GUCY1A2: variants seen among roughly 807,000 people sequenced by gnomAD.
GUCY1A2 encodes the protein guanylate cyclase 1 soluble subunit alpha 2, also known as guanylate cyclase soluble subunit alpha-2.
A neutral mutation model predicts 63.5 loss-of-function variants in GUCY1A2; 27 were observed. The observed-to-expected ratio is 0.43, with a 90% CI of 0.31 to 0.59. The LOEUF (loss-of-function observed/expected upper bound fraction) is 0.59, where lower values mean the gene tolerates loss of function less well. GUCY1A2 is among the 20% of genes least tolerant of loss of function. The pLI, the probability that GUCY1A2 is intolerant of heterozygous loss-of-function variation, is 0.11. For synonymous variants in GUCY1A2, 364 were observed against 343.5 expected (o/e 1.06, Z -0.66); for missense variants, 768 against 913.3 (o/e 0.84, Z 2.05).
rs555795362 is a variant in GUCY1A2 at position 106,684,955 on chromosome 11, T to C, written c.*2594A>G. 3.0e-5 allele frequency: 6 copies of C among 202,704 alleles called. No individual in the cohort carries two copies. In the East Asian group the frequency reaches 3.8e-4, roughly 13 times the overall value. 12.6% of individuals were successfully genotyped at this position (202,704 alleles called of 1,614,324 possible). A position where few individuals can be genotyped will look rare whatever the true frequency, so the allele number is the denominator to read the frequency against. ...GTAGGACAAATAAAAATATAATTTT[T>C]TCTCCATCTTCTAACTTCTGTGATT... On this transcript the variant is annotated 3_prime_UTR_variant, in exon 8 of 8. Transcript: ENST00000526355.
intron 6 of GUCY1A2, among the ~76,000 whole-genome samples, chr11:106,764,668 AAGAG>A (rs967117607): frequency 6.0e-4 from 91 of 152,192 alleles, no homozygotes; most frequent in African/African-American, 2.1e-3. Flanking sequence ...GAGGACATGT[AAGAG>A]AGAGAGTGCT....
intron 4 of GUCY1A2, among the ~76,000 whole-genome samples, chr11:106,883,324 G>C (rs1859852361): frequency 6.6e-6 from 1 of 152,072 alleles, no homozygotes; most frequent in African/African-American, 2.4e-5. Flanking sequence ...TTATCTATGT[G>C]TGTATACCTT....
intron 4 of GUCY1A2, among the ~76,000 whole-genome samples, chr11:106,821,994 CA>C (rs1858909975): frequency 6.6e-6 from 1 of 152,102 alleles, no homozygotes; most frequent in Non-Finnish European, 1.5e-5. Context: ...GGCTGACTTG[CA>C]TTAAATATTT....
rs181213783 is a variant in GUCY1A2 at position 106,805,173 on chromosome 11, C to T, written c.1692+4820G>A. ...GTTTAATGCCATGGACATTTGCAAACCACACTTAGAGGCTGTGATGGGAAT... is the reference window on the plus strand; with the variant it reads ...GTTTAATGCCATGGACATTTGCAAATCACACTTAGAGGCTGTGATGGGAAT... On this transcript the variant is annotated intron_variant, in intron 5 of 7. Coordinates refer to ENST00000526355, the MANE Select transcript of GUCY1A2 (RefSeq NM_000855.3). 4.0e-3 allele frequency among the ~76,000 whole-genome samples: 603 copies of T among 152,246 alleles called. 1 individual carries two copies. The highest frequency in any genetic ancestry group is 0.014 in the African/African-American group (573 of 41,542).
rs149645245 is a variant in GUCY1A2, at chr11:106,837,793, T to C, written c.1207-27315A>G. 4.6e-3 allele frequency among the ~76,000 whole-genome samples: 705 copies of C among 152,108 alleles called. 2 individuals carry two copies. Among genetic ancestry groups the C allele is most frequent in the Admixed American group, 0.01 (158 of 15,234 alleles). ...ATAAAAATTTATAGTCACCACTGTATTGCAACTGTTCCCTTCCTGCAAACA... is the reference window on the plus strand; with the variant it reads ...ATAAAAATTTATAGTCACCACTGTACTGCAACTGTTCCCTTCCTGCAAACA... On this transcript the variant is annotated intron_variant, in intron 4 of 7. Transcript: ENST00000526355.
At chr11:106,877,281 C>T (rs1565317728) in intron 4 of GUCY1A2, among the ~76,000 whole-genome samples, 1 of 152,028 alleles carries the variant, frequency 6.6e-6, no homozygotes, top group Admixed American at 6.6e-5. Context: ...GATAGTTTCA[C>T]TTCCCCTCTT....
intron 6 of GUCY1A2, among the ~76,000 whole-genome samples, chr11:106,746,876 G>A (rs1591259684): frequency 6.6e-6 from 1 of 152,152 alleles, no homozygotes; most frequent in East Asian, 1.9e-4. Flanking sequence ...CGTAGAAAAA[G>A]GAGTGTAAAG....
intron 4 of GUCY1A2, among the ~76,000 whole-genome samples, chr11:106,896,120 C>T (rs1860045757): frequency 6.6e-6 from 1 of 151,224 alleles, no homozygotes; most frequent in South Asian, 2.1e-4. Context: ...AAGTATACAC[C>T]ACAACCAAGT....
At chr11:106,791,977 T>G (rs1864669701) in intron 5 of GUCY1A2, among the ~76,000 whole-genome samples, 1 of 151,960 alleles carries the variant, frequency 6.6e-6, no homozygotes, top group Non-Finnish European at 1.5e-5. Flanking sequence ...TACCAAAACC[T>G]GGCAGAGATA....
chr11:107,007,339 A>G (rs1026970406), intron 1 of GUCY1A2, among the ~76,000 whole-genome samples: 24 of 152,182 alleles, frequency 1.6e-4, no homozygotes, highest in South Asian at 8.3e-4. Flanking sequence ...AGAATGCTCT[A>G]GATATATTCT....
At chr11:106,727,462 T>A (rs529518660) in intron 6 of GUCY1A2, among the ~76,000 whole-genome samples, 25 of 152,300 alleles carry the variant, frequency 1.6e-4, no homozygotes, top group African/African-American at 5.8e-4. Context: ...ATGGATGACA[T>A]GAACTTCTCC....
chr11:106,821,131 T>G (rs1215265582), intron 4 of GUCY1A2, among the ~76,000 whole-genome samples: 1 of 152,182 alleles, frequency 6.6e-6, no homozygotes, highest in African/African-American at 2.4e-5. Flanking sequence ...ATATAATATT[T>G]AAAGGAAATA....
chr11:106,786,878 A>C (rs1444382478), intron 5 of GUCY1A2, among the ~76,000 whole-genome samples: 3 of 152,066 alleles, frequency 2.0e-5, no homozygotes, highest in Admixed American at 2.0e-4. Context: ...TCATCCACTC[A>C]CTCTTTAGAA....
chr11:106,949,230 G>A (rs1321405582), intron 3 of GUCY1A2, among the ~76,000 whole-genome samples: 1 of 151,970 alleles, frequency 6.6e-6, no homozygotes, highest in African/African-American at 2.4e-5. Context: ...TGTTTCTCTG[G>A]AAAGCCCTCC....
intron 5 of GUCY1A2, among the ~76,000 whole-genome samples, chr11:106,807,703 T>C (rs1018016700): frequency 1.3e-5 from 2 of 152,162 alleles, no homozygotes; most frequent in Non-Finnish European, 2.9e-5. Flanking sequence ...TTTGAGTCAA[T>C]GGACTGGGAG....
intron 4 of GUCY1A2, among the ~76,000 whole-genome samples, chr11:106,856,809 A>G (rs1859442795): frequency 6.6e-6 from 1 of 152,098 alleles, no homozygotes; most frequent in Admixed American, 6.6e-5. Context: ...TCTAAACTCT[A>G]TAGCACCAAA....
intron 4 of GUCY1A2, among the ~76,000 whole-genome samples, chr11:106,937,191 A>T (rs1284794109): frequency 6.6e-6 from 1 of 152,154 alleles, no homozygotes; most frequent in Non-Finnish European, 1.5e-5. Context: ...TTCTATCCTT[A>T]TTTTAACTAA....
chr11:107,009,294 ATC>A (rs913122494), intron 1 of GUCY1A2, among the ~76,000 whole-genome samples: 2 of 152,138 alleles, frequency 1.3e-5, no homozygotes, highest in African/African-American at 4.8e-5. Flanking sequence ...TGGCATTCAG[ATC>A]TGTTTTTTCT....
At chr11:106,756,656 A>G (rs546044957) in intron 6 of GUCY1A2, among the ~76,000 whole-genome samples, 2 of 152,286 alleles carry the variant, frequency 1.3e-5, no homozygotes, top group Admixed American at 6.5e-5. Context: ...CTTTTCTTTA[A>G]GAATGTTGAA....
Sources: gnomAD v4.1 joint callset for allele counts (sites outside exome capture counted in the v4.1 genomes callset) on GRCh38, gnomAD v4.1.1 for gene constraint, MANE v1.5 for transcripts, NCBI Gene and HGNC (gene_info 2026-07-23, HGNC 2026-07-21) for gene names.